SYTL4: variants seen among roughly 807,000 people sequenced by gnomAD.
SYTL4 encodes synaptotagmin like 4.
Under a neutral mutation model 52.7 loss-of-function variants are expected in SYTL4, and 16 were observed. The ratio of observed to expected loss-of-function variants is 0.30; its 90% CI spans 0.21 to 0.46. SYTL4 has a LOEUF of 0.46. SYTL4 is among the 20% of genes least tolerant of loss of function. The pLI is 1.00. For synonymous variants in SYTL4, 160 were observed against 186.6 expected (o/e 0.86, Z 1.16); for missense variants, 423 against 519.9 (o/e 0.81, Z 1.81).
intron 2 of SYTL4, among the ~76,000 whole-genome samples, chrX:100,724,845 G>A (rs1354816997): frequency 5.2e-5 from 3 of 57,687 alleles, no homozygotes; most frequent in Non-Finnish European, 9.3e-5. Flanking sequence ...CCCCCTCTGC[G>A]AGAAACACCC....
chrX:100,704,489 G>C (rs2083917626), intron 3 of SYTL4, among the ~76,000 whole-genome samples: 1 of 112,556 alleles, frequency 8.9e-6, no homozygotes, highest in Admixed American at 9.4e-5. Context: ...TGACTGAGCA[G>C]AGAGGATGAA....
intron 15 of SYTL4, chrX:100,686,409 G>C: frequency 2.6e-6 from 1 of 384,959 alleles, no homozygotes; most frequent in Non-Finnish European, 4.4e-6. Flanking sequence ...TGTCCAAAAA[G>C]AACTGCCAAG....
At position 100,708,971 on chromosome X, in the gene SYTL4, G is replaced by A. The variant is rs145088753; in HGVS notation, c.-239-4085C>T. Reference sequence around the variant, plus strand: ...CTCAAACTAGAAACATCTACCAGACGTAACCTCTTTGAAGGTAGGTACTAT... The same window carrying A: ...CTCAAACTAGAAACATCTACCAGACATAACCTCTTTGAAGGTAGGTACTAT... On this transcript the variant is annotated intron_variant, in intron 2 of 19. Coordinates refer to ENST00000372989, the MANE Select transcript of SYTL4 (RefSeq NM_001370165.1). 5.6e-3 allele frequency among the ~76,000 whole-genome samples: 621 copies of A among 111,764 alleles called. 7 individuals carry two copies. The highest frequency in any genetic ancestry group is 0.019 in the African/African-American group (580 of 30,772).
Position 100,719,343 on chromosome X carries a change from C to T in SYTL4, c.-240+12075G>A, listed in dbSNP as rs1041399104. Reference sequence around the variant, plus strand: ...GACAGTCTGGTTTTTGGACCCAGGCCGTCTGGTTCCAGAGTCCAAGCTCTT... The same window carrying T: ...GACAGTCTGGTTTTTGGACCCAGGCTGTCTGGTTCCAGAGTCCAAGCTCTT... On this transcript the variant is annotated intron_variant, in intron 2 of 19. Coordinates refer to ENST00000372989, the MANE Select transcript of SYTL4 (RefSeq NM_001370165.1). 3.6e-5 allele frequency among the ~76,000 whole-genome samples: 4 copies of T among 111,281 alleles called. No homozygotes were observed. In the East Asian group the frequency reaches 1.1e-3, roughly 31 times the overall value.
chrX:100,695,607 ACAT>A (rs1411861074), intron 8 of SYTL4, among the ~76,000 whole-genome samples: 2 of 112,112 alleles, frequency 1.8e-5, no homozygotes, highest in Non-Finnish European at 3.8e-5. Flanking sequence ...ATACAATGAA[ACAT>A]CATACAGATG....
intron 8 of SYTL4, among the ~76,000 whole-genome samples, chrX:100,692,471 T>G (rs1033876331): frequency 1.8e-5 from 2 of 111,703 alleles, no homozygotes; most frequent in African/African-American, 6.5e-5. Context: ...GACTGAGATA[T>G]ATCCATAAAT....
chrX:100,701,189 A>G, intron 7 of SYTL4, 31 bp downstream of exon 7: 1 of 1,130,047 alleles, frequency 8.8e-7, no homozygotes. Context: ...AGGATTCCAT[A>G]CCAAGAACCA....
At position 100,688,568 on chromosome X, in the gene SYTL4, T is replaced by C. The variant is rs1202372552; in HGVS notation, c.913-125A>G. ...ATGTGTACGCACACATACTTCTTTT[T>C]TTTTTTTTTTTTTGAGACGGAGTCT... On this transcript the variant is annotated intron_variant, in intron 12 of 19. Transcript: ENST00000372989. 1.9e-5 allele frequency: 9 copies of C among 468,764 alleles called. No homozygotes were observed. In the African/African-American group the frequency reaches 2.1e-4, roughly 11 times the overall value. The allele number at this position is 468,764 out of a possible 1,213,427, so 38.6% of individuals were successfully genotyped here.
At chrX:100,717,778 G>A (rs1476919726) in intron 2 of SYTL4, among the ~76,000 whole-genome samples, 6 of 111,765 alleles carry the variant, frequency 5.4e-5, no homozygotes, top group African/African-American at 1.9e-4. Flanking sequence ...GATGGAAAGG[G>A]GCATATTAAA....
At chrX:100,716,561 A>AG (rs1409491983) in intron 2 of SYTL4, among the ~76,000 whole-genome samples, 4 of 106,307 alleles carry the variant, frequency 3.8e-5, no homozygotes, top group African/African-American at 1.4e-4. Context: ...AAAAAAAAAA[A>AG]AAAAAGAAAA....
intron 8 of SYTL4, among the ~76,000 whole-genome samples, chrX:100,692,808 T>G (rs2083625667): frequency 9.0e-6 from 1 of 111,571 alleles, no homozygotes; most frequent in Admixed American, 9.6e-5. Context: ...CTCTAATATT[T>G]AGATTATGTC....
chrX:100,686,581 C>T, intron 15 of SYTL4, 98 bp downstream of exon 15: 1 of 592,508 alleles, frequency 1.7e-6, no homozygotes, highest in South Asian at 3.0e-5. Context: ...ACATGGCCCA[C>T]TGAAGCCCGT....
intron 2 of SYTL4, among the ~76,000 whole-genome samples, chrX:100,721,147 A>G (rs1288420056): frequency 8.9e-6 from 1 of 111,886 alleles, no homozygotes; most frequent in Non-Finnish European, 1.9e-5. Context: ...TTAGATTTGT[A>G]TATATTTGTT....
intron 16 of SYTL4, among the ~76,000 whole-genome samples, chrX:100,684,430 A>G (rs2083437722): frequency 8.9e-6 from 1 of 111,931 alleles, no homozygotes; most frequent in Non-Finnish European, 1.9e-5. Flanking sequence ...TTTTAAGAGC[A>G]AAAAAGAATT....
chrX:100,686,920 C>T, intron 14 of SYTL4, 139 bp from the exon 15 acceptor site: 1 of 832,964 alleles, frequency 1.2e-6, no homozygotes, highest in South Asian at 2.6e-5. Flanking sequence ...ACATGCCATT[C>T]TTGCTTTTTC....
At chrX:100,716,450 C>CAAA (rs200368843) in intron 2 of SYTL4, among the ~76,000 whole-genome samples, 484 of 25,679 alleles carry the variant, frequency 0.019, 24 homozygotes, top group Non-Finnish European at 0.022. Context: ...AACTCCATCT[C>CAAA]AAAAAAAAAA....
At chrX:100,706,933 C>T (rs5967173) in intron 2 of SYTL4, among the ~76,000 whole-genome samples, 56,153 of 109,949 alleles carry the variant, frequency 0.51, 12,141 homozygotes, top group African/African-American at 0.82. Flanking sequence ...TAAATATGCA[C>T]CCACTAATAA....
chrX:100,682,713 C>CA (rs1369914145), intron 16 of SYTL4, among the ~76,000 whole-genome samples: 45 of 110,383 alleles, frequency 4.1e-4, no homozygotes, highest in Non-Finnish European at 6.3e-4. Flanking sequence ...TCCCTCCCCC[C>CA]AAAAAAAGAA....
chrX:100,700,787 T>C, intron 8 of SYTL4, 110 bp downstream of exon 8: 1 of 632,796 alleles, frequency 1.6e-6, no homozygotes, highest in South Asian at 3.0e-5. Context: ...ACTTTTCAAG[T>C]TTTCCTATAA....
Sources: allele counts gnomAD v4.1 joint callset (sites outside exome capture counted in the v4.1 genomes callset), GRCh38; gene constraint gnomAD v4.1.1; transcripts MANE v1.5; gene names NCBI Gene and HGNC (gene_info 2026-07-23, HGNC 2026-07-21).